Variants in SPICE1 observed in about 807,000 individuals in gnomAD.
SPICE1 encodes spindle and centriole-associated protein 1.
In SPICE1, 75 loss-of-function variants were observed where a neutral mutation model predicts 102.7. The observed-to-expected ratio is 0.73, with a 90% CI of 0.61 to 0.88. The LOEUF is 0.88. SPICE1 is among the 40% of genes least tolerant of loss of function. The pLI is 0.00. For synonymous variants in SPICE1, 308 were observed against 350.3 expected, an observed-to-expected ratio of 0.88 and a Z score of 1.35; for missense variants, 979 against 1,020.1, an observed-to-expected ratio of 0.96 and a Z score of 0.55.
chr3:113,483,885 G>C (rs58992191), intron 7 of SPICE1, among the ~76,000 whole-genome samples: 3,917 of 152,246 alleles, frequency 0.026, 64 homozygotes, highest in East Asian at 0.054. Flanking sequence ...GATGATGCTG[G>C]CCTCATAAAA....
intron 2 of SPICE1, among the ~76,000 whole-genome samples, chr3:113,503,652 G>T (rs1937051715): frequency 6.6e-6 from 1 of 152,152 alleles, no homozygotes; most frequent in Non-Finnish European, 1.5e-5. Flanking sequence ...GAGATCACTG[G>T]CTGGGTACAG....
rs553195841 is a variant in SPICE1, at chr3:113,470,460, T to C, written c.612-1222A>G. On this transcript the variant is annotated intron_variant, in intron 7 of 17. Coordinates refer to ENST00000295872, the MANE Select transcript of SPICE1 (RefSeq NM_144718.4). ...GACCTGTCTATGGAGTAGATGACCA[T>C]GACATATGCAAGACACAAGATCTTT... is the stretch of plus-strand genomic sequence containing the variant. Among the ~76,000 whole-genome samples, 252 of 152,284 alleles carry C rather than the reference T, an allele frequency of 1.7e-3. 2 individuals are homozygous for C. Among genetic ancestry groups the C allele is most frequent in the Admixed American group, 3.7e-3 (56 of 15,298 alleles).
At chr3:113,514,634 T>G (rs2306070) in intron 1 of SPICE1, 21,555 of 525,304 alleles carry the variant, frequency 0.041, 542 homozygotes, top group East Asian at 0.087. Context: ...CTGGGTTAAC[T>G]TCCACGGACT....
At chr3:113,447,993 C>A (rs748111871) in intron 16 of SPICE1, 45 bp downstream of exon 16, 17 of 1,517,828 alleles carry the variant, frequency 1.1e-5, no homozygotes, top group African/African-American at 4.3e-5. Context: ...ATACCAAATT[C>A]TTTTTGATTT....
At chr3:113,457,041 T>A (rs527676532) in intron 13 of SPICE1, 95 bp downstream of exon 13, 1 of 1,273,656 alleles carries the variant, frequency 7.9e-7, no homozygotes, top group African/African-American at 1.5e-5. Context: ...TCAGTGTCTT[T>A]TTCAATTCTG....
chr3:113,509,858 T>C (rs538912429), intron 1 of SPICE1, among the ~76,000 whole-genome samples: 6 of 152,320 alleles, frequency 3.9e-5, no homozygotes, highest in African/African-American at 1.4e-4. Flanking sequence ...TGAGATCTGA[T>C]GGGTTTATAA....
chr3:113,488,913 GA>G, intron 7 of SPICE1, 31 bp downstream of exon 7: 1 of 1,342,690 alleles, frequency 7.4e-7, no homozygotes, highest in South Asian at 1.3e-5. Context: ...AAAAACCTGA[GA>G]GTTGTAAATA....
intron 4 of SPICE1, among the ~76,000 whole-genome samples, chr3:113,495,570 C>T (rs1936864483): frequency 6.6e-6 from 1 of 152,186 alleles, no homozygotes; most frequent in Non-Finnish European, 1.5e-5. Context: ...CAACCCTTCC[C>T]CAGCCCCACA....
intron 10 of SPICE1, 37 bp downstream of exon 10, chr3:113,468,102 G>A (rs1440831565): frequency 1.9e-6 from 3 of 1,567,896 alleles, no homozygotes; most frequent in African/African-American, 1.4e-5. Flanking sequence ...ATGCATTTCT[G>A]CCTGAAAAGA....
intron 1 of SPICE1, among the ~76,000 whole-genome samples, chr3:113,510,226 C>T (rs1937191848): frequency 6.6e-6 from 1 of 152,128 alleles, no homozygotes; most frequent in African/African-American, 2.4e-5. Context: ...CAATACTATG[C>T]CTATTAAACT....
intron 2 of SPICE1, among the ~76,000 whole-genome samples, chr3:113,506,114 TATG>T (rs1937102244): frequency 6.6e-6 from 1 of 152,164 alleles, no homozygotes; most frequent in Admixed American, 6.5e-5. Flanking sequence ...CTCACATGGT[TATG>T]ATATCACTGG....
chr3:113,456,417 G>T (rs967875070), intron 13 of SPICE1, among the ~76,000 whole-genome samples: 2 of 151,154 alleles, frequency 1.3e-5, no homozygotes, highest in Non-Finnish European at 2.9e-5. Flanking sequence ...TTCTTTTTTT[G>T]ACTAAAGACC....
chr3:113,500,516 G>GA (rs374212707), intron 3 of SPICE1, among the ~76,000 whole-genome samples: 18 of 144,278 alleles, frequency 1.2e-4, no homozygotes, highest in East Asian at 2.0e-4. Flanking sequence ...TGGTTATGTT[G>GA]AAAAAAAAAA....
chr3:113,514,031 AC>A (rs1426426230), intron 1 of SPICE1, among the ~76,000 whole-genome samples: 2 of 152,204 alleles, frequency 1.3e-5, no homozygotes, highest in Non-Finnish European at 2.9e-5. Context: ...TCTCTGTAAT[AC>A]CCCCAAAAAT....
intron 7 of SPICE1, among the ~76,000 whole-genome samples, chr3:113,477,586 C>G (rs141192196): frequency 0.041 from 6,161 of 151,460 alleles, 151 homozygotes; most frequent in East Asian, 0.094. Context: ...CACATATACA[C>G]CATGGAATAC....
In SPICE1 at chr3:113,460,654, T is replaced by C; in HGVS notation, c.1398A>G (p.Glu466=). ...TAACTCTTCTACCTGTGGCTCCGCT[T>C]TCTGATGCCTGAATTTCTTGTCTGT... ...INNRQEIQAS[E]SGATGRRVMD... The change falls in exon 12 of 18, where the codon GAA becomes GAG. Residue 466 remains glutamate (E), a synonymous_variant. Coordinates refer to ENST00000295872, the MANE Select transcript of SPICE1 (RefSeq NM_144718.4). The C allele has an allele frequency of 6.2e-7, 1 of 1,613,886 alleles. No homozygotes were observed. Among genetic ancestry groups the C allele is most frequent in the Non-Finnish European group, 8.5e-7 (1 of 1,179,870 alleles).
Position 113,453,538 on chromosome 3 carries a change from A to G in SPICE1, c.2070T>C (p.Ile690=). ...CATCCCCTTGCTCTCCTCTGGGCTCAATAATATTATTCATATGTGCCTTGA... is the reference window on the plus strand; with the variant it reads ...CATCCCCTTGCTCTCCTCTGGGCTCGATAATATTATTCATATGTGCCTTGA... ...SAIKAHMNNI[I]EPRGEQGDGL... is the part of the protein sequence containing the mutation. The change falls in exon 14 of 18, where the codon ATT becomes ATC. Residue 690 remains isoleucine, a synonymous_variant. Coordinates refer to ENST00000295872, the MANE Select transcript of SPICE1 (RefSeq NM_144718.4). The G allele has an allele frequency of 1.2e-6, 2 of 1,614,220 alleles. No individual in the cohort carries two copies. Among genetic ancestry groups the G allele is most frequent in the Non-Finnish European group, 1.7e-6 (2 of 1,180,046 alleles).
At chr3:113,513,226 G>C (rs1937253681) in intron 1 of SPICE1, among the ~76,000 whole-genome samples, 1 of 152,020 alleles carries the variant, frequency 6.6e-6, no homozygotes, top group African/African-American at 2.4e-5. Context: ...GTGCAACATA[G>C]CAAGACCCTG....
chr3:113,452,032 G>A (rs1478209142), intron 14 of SPICE1, among the ~76,000 whole-genome samples: 1 of 152,092 alleles, frequency 6.6e-6, no homozygotes, highest in African/African-American at 2.4e-5. Context: ...AGCGGCCTTG[G>A]CTCTAGAAGG....
Sources: gnomAD v4.1 joint callset for allele counts (sites outside exome capture counted in the v4.1 genomes callset) on GRCh38, gnomAD v4.1.1 for gene constraint, MANE v1.5 for transcripts, NCBI Gene and HGNC (gene_info 2026-07-23, HGNC 2026-07-21) for gene names.